Variants in SIPA1L3 observed in about 807,000 individuals in gnomAD.
SIPA1L3 encodes signal induced proliferation associated 1 like 3.
In SIPA1L3, 59 loss-of-function variants were observed where a neutral mutation model predicts 150.1. That is an observed-to-expected ratio of 0.39 (90% CI 0.32 to 0.49). SIPA1L3 has a LOEUF of 0.49. Ranked by LOEUF, SIPA1L3 falls within the 20% of genes least tolerant of loss-of-function variation. The probability of loss-of-function intolerance (pLI) is 0.86; values close to 1 mark genes in which losing one functional copy is unlikely to be tolerated. For missense variants in SIPA1L3, 2,211 were observed against 2,489.5 expected (o/e 0.89, Z 2.38); for synonymous variants, 1,070 against 1,077.6 (o/e 0.99, Z 0.14).
chr19:38,161,250 G>A (rs1972077505), intron 13 of SIPA1L3, among the ~76,000 whole-genome samples: 1 of 149,640 alleles, frequency 6.7e-6, no homozygotes, highest in African/African-American at 2.5e-5. Context: ...GCTGAGGCAG[G>A]AGAATCACTT....
chr19:37,971,532 G>A (rs912225012), intron 1 of SIPA1L3, among the ~76,000 whole-genome samples: 1 of 150,390 alleles, frequency 6.6e-6, no homozygotes, highest in Non-Finnish European at 1.5e-5. Context: ...TTTCTGTCTG[G>A]CTTCTTTCAC....
chr19:38,020,189 A>C (rs931446542), intron 1 of SIPA1L3, among the ~76,000 whole-genome samples: 2 of 152,174 alleles, frequency 1.3e-5, no homozygotes, highest in African/African-American at 2.4e-5. Context: ...TTTGTGGAGT[A>C]ATTTTTTTAC....
chr19:37,978,223 A>G (rs1474458015), intron 1 of SIPA1L3, among the ~76,000 whole-genome samples: 1 of 152,230 alleles, frequency 6.6e-6, no homozygotes, highest in Non-Finnish European at 1.5e-5. Context: ...AGTCGCTAAT[A>G]CAAATGAGCT....
intron 10 of SIPA1L3, among the ~76,000 whole-genome samples, chr19:38,134,960 T>C (rs1971402355): frequency 6.6e-6 from 1 of 152,022 alleles, no homozygotes; most frequent in African/African-American, 2.4e-5. Flanking sequence ...TGACGATGAG[T>C]GCCATATTCA....
intron 1 of SIPA1L3, among the ~76,000 whole-genome samples, chr19:37,916,411 G>T (rs915095655): frequency 1.3e-5 from 2 of 150,432 alleles, no homozygotes; most frequent in African/African-American, 4.9e-5. Context: ...GAGGTGAGAG[G>T]ATCACTTGAG....
At chr19:37,972,168 A>AGT (rs34744094) in intron 1 of SIPA1L3, among the ~76,000 whole-genome samples, 12,670 of 144,872 alleles carry the variant, frequency 0.087, 588 homozygotes, top group Non-Finnish European at 0.11. Flanking sequence ...AGAGATACCT[A>AGT]GTGTGTGTGT....
rs1372845013 is a variant in SIPA1L3, at chr19:37,930,165, C to T, written c.-379+22807C>T. Among the ~76,000 whole-genome samples the T allele has an allele frequency of 5.3e-5, 8 of 151,990 alleles. No individual in the cohort carries two copies. The South Asian group carries it at 6.2e-4, about 12-fold the overall frequency. On this transcript the variant is annotated intron_variant, in intron 1 of 21. Transcript: ENST00000222345. ...TCAGCCTCCCGAGTAGCTGGGACTA[C>T]GGGCGCCCGCCACCACACCCGGCTA...
At chr19:38,161,555 T>C (rs1972089649) in intron 13 of SIPA1L3, among the ~76,000 whole-genome samples, 1 of 150,432 alleles carries the variant, frequency 6.6e-6, no homozygotes, top group Non-Finnish European at 1.5e-5. Flanking sequence ...AAACCCTGTC[T>C]CCACTAAAAA....
chr19:37,987,673 C>T (rs1967391967), intron 1 of SIPA1L3, among the ~76,000 whole-genome samples: 1 of 152,198 alleles, frequency 6.6e-6, no homozygotes, highest in African/African-American at 2.4e-5. Context: ...CTGGGACCCC[C>T]TAGGCCAGCT....
chr19:38,135,167 GGC>G, intron 10 of SIPA1L3, among the ~76,000 whole-genome samples: 1 of 152,124 alleles, frequency 6.6e-6, no homozygotes, highest in South Asian at 2.1e-4. Context: ...TTAATACACG[GGC>G]ATGCGAGTGA....
At chr19:38,093,362 C>T (rs1424893181) in intron 4 of SIPA1L3, among the ~76,000 whole-genome samples, 1 of 152,166 alleles carries the variant, frequency 6.6e-6, no homozygotes, top group Non-Finnish European at 1.5e-5. Context: ...AGTTTGACCA[C>T]TCAGCAGTTC....
At chr19:38,180,117 G>A (rs1227437157) in intron 15 of SIPA1L3, among the ~76,000 whole-genome samples, 2 of 151,886 alleles carry the variant, frequency 1.3e-5, no homozygotes, top group East Asian at 1.9e-4. Flanking sequence ...ATTAACCCGA[G>A]GAGTTTTAAA....
At chr19:38,018,400 G>A (rs1263410805) in intron 1 of SIPA1L3, among the ~76,000 whole-genome samples, 1 of 151,980 alleles carries the variant, frequency 6.6e-6, no homozygotes, top group Non-Finnish European at 1.5e-5. Context: ...CTGACCTCAG[G>A]TGATCTGCCC....
intron 1 of SIPA1L3, among the ~76,000 whole-genome samples, chr19:37,966,111 GT>G (rs935052491): frequency 3.9e-5 from 6 of 152,152 alleles, no homozygotes; most frequent in African/African-American, 2.4e-5. Flanking sequence ...ATCCACCGCT[GT>G]TTTTTTCTGA....
At chr19:37,927,521 C>CGTGT (rs144453861) in intron 1 of SIPA1L3, among the ~76,000 whole-genome samples, 9,373 of 136,694 alleles carry the variant, frequency 0.069, 387 homozygotes, top group East Asian at 0.13. Flanking sequence ...GTCTGTTGTT[C>CGTGT]GTGTGTGTGT....
At position 38,207,132 on chromosome 19, in the gene SIPA1L3, G is replaced by C. The variant is rs1263162896; in HGVS notation, c.*892G>C. 1 of 152,030 alleles carries C rather than the reference G, an allele frequency of 6.6e-6. No homozygotes were observed. Among genetic ancestry groups the C allele is most frequent in the Non-Finnish European group, 1.5e-5 (1 of 68,084 alleles). The allele number at this position is 152,030 out of a possible 1,614,324, so 9.4% of individuals were successfully genotyped here. On this transcript the variant is annotated 3_prime_UTR_variant, in exon 22 of 22. Coordinates refer to ENST00000222345, the MANE Select transcript of SIPA1L3 (RefSeq NM_015073.3). ...CGACCTGGCCCTGACCAGCAGCCTC[G>C]GCCTCTTCTGGGTTCCAGGAGGGGC...
At chr19:37,923,694 A>G (rs1181408299) in intron 1 of SIPA1L3, among the ~76,000 whole-genome samples, 9 of 152,048 alleles carry the variant, frequency 5.9e-5, no homozygotes, top group Non-Finnish European at 1.3e-4. Flanking sequence ...TCAATAATAC[A>G]TTAACCGTAG....
At chr19:38,087,419 C>T (rs556933694) in intron 3 of SIPA1L3, among the ~76,000 whole-genome samples, 2 of 152,288 alleles carry the variant, frequency 1.3e-5, no homozygotes, top group South Asian at 4.1e-4. Flanking sequence ...TGCCCTTAGA[C>T]TAGCCTTTGA....
At chr19:38,075,464 A>G (rs1969817404) in intron 2 of SIPA1L3, among the ~76,000 whole-genome samples, 1 of 150,108 alleles carries the variant, frequency 6.7e-6, no homozygotes, top group African/African-American at 2.5e-5. Flanking sequence ...TCAGAAAAAA[A>G]AAGAGATTTG....
Sources: gnomAD v4.1 joint callset for allele counts (sites outside exome capture counted in the v4.1 genomes callset) on GRCh38, gnomAD v4.1.1 for gene constraint, MANE v1.5 for transcripts, NCBI Gene and HGNC (gene_info 2026-07-23, HGNC 2026-07-21) for gene names.